CAMTA1: variants seen among roughly 807,000 people sequenced by gnomAD.
The protein encoded by CAMTA1 is calmodulin binding transcription activator 1, also known as calmodulin-binding transcription activator 1.
A neutral mutation model predicts 170.9 loss-of-function variants in CAMTA1; 27 were observed. That is an observed-to-expected ratio of 0.16 (90% CI 0.12 to 0.22). CAMTA1 has a LOEUF of 0.22. Ranked by LOEUF, CAMTA1 falls within the 10% of genes least tolerant of loss-of-function variation. CAMTA1 has a pLI of 1.00. For missense variants in CAMTA1, 1,619 were observed against 2,217.2 expected (o/e 0.73, Z 5.42); for synonymous variants, 833 against 891.5 (o/e 0.93, Z 1.17).
At chr1:7,428,580 C>T (rs1413047097) in intron 5 of CAMTA1, among the ~76,000 whole-genome samples, 2 of 152,108 alleles carry the variant, frequency 1.3e-5, no homozygotes, top group Non-Finnish European at 2.9e-5. Flanking sequence ...CCCAGCACTG[C>T]CTCCCAGCAG....
chr1:7,614,560 C>T (rs2095546503), intron 6 of CAMTA1, among the ~76,000 whole-genome samples: 1 of 152,222 alleles, frequency 6.6e-6, no homozygotes, highest in South Asian at 2.1e-4. Context: ...CGCTGACACG[C>T]TGAAGGCTCC....
intron 6 of CAMTA1, among the ~76,000 whole-genome samples, chr1:7,610,587 T>C (rs2095517296): frequency 6.6e-6 from 1 of 152,166 alleles, no homozygotes; most frequent in Non-Finnish European, 1.5e-5. Flanking sequence ...GCAGACTCCG[T>C]GGCCCCTCCT....
chr1:7,433,507 C>T (rs1030452702), intron 5 of CAMTA1, among the ~76,000 whole-genome samples: 2 of 152,164 alleles, frequency 1.3e-5, no homozygotes, highest in Admixed American at 1.3e-4. Context: ...GTACCCACTT[C>T]TCAGGGAGGG....
intron 10 of CAMTA1, among the ~76,000 whole-genome samples, chr1:7,676,004 C>G (rs1234579727): frequency 6.6e-6 from 1 of 152,230 alleles, no homozygotes. Flanking sequence ...GAGGCCATCC[C>G]CCCCGACCCC....
chr1:7,152,527 G>T (rs543441458), intron 4 of CAMTA1, among the ~76,000 whole-genome samples: 1 of 152,302 alleles, frequency 6.6e-6, no homozygotes, highest in East Asian at 1.9e-4. Context: ...CTCCTGTGTT[G>T]AGGCCATCTC....
At chr1:7,448,524 G>A (rs565181275) in intron 5 of CAMTA1, among the ~76,000 whole-genome samples, 7 of 152,354 alleles carry the variant, frequency 4.6e-5, no homozygotes, top group African/African-American at 1.7e-4. Flanking sequence ...GCCTGTCCCA[G>A]TCTGTCTGGG....
chr1:7,275,379 A>C (rs1381364999), intron 5 of CAMTA1, among the ~76,000 whole-genome samples: 5 of 151,976 alleles, frequency 3.3e-5, no homozygotes, highest in Non-Finnish European at 7.4e-5. Flanking sequence ...ACCAATTAAA[A>C]CCAAAATAAG....
chr1:7,401,875 C>G (rs1026206387), intron 5 of CAMTA1, among the ~76,000 whole-genome samples: 6 of 152,246 alleles, frequency 3.9e-5, no homozygotes, highest in Non-Finnish European at 7.4e-5. Context: ...GCTTCCCACT[C>G]CCCACCCTCT....
At chr1:7,693,665 G>A (rs2096343090) in intron 11 of CAMTA1, 1 of 152,202 alleles carries the variant, frequency 6.6e-6, no homozygotes, top group Non-Finnish European at 1.5e-5. Context: ...TACCAGACAT[G>A]GAGCTTCCAC....
At position 7,050,475 on chromosome 1, in the gene CAMTA1, C is replaced by T. The variant is rs1706152752; in HGVS notation, c.235-40829C>T. On this transcript the variant is annotated intron_variant, in intron 3 of 22. Coordinates refer to ENST00000303635, the MANE Select transcript of CAMTA1 (RefSeq NM_015215.4). The surrounding 1 kb of genome is among the most constrained non-coding windows in gnomAD (Gnocchi z 4.8). ...GGGTGTGGGTTCAGATGAAGACTCT[C>T]AAACAGGCCTTGGCTGCATCAAACA... Among the ~76,000 whole-genome samples, 1 of 152,176 alleles carries T rather than the reference C, an allele frequency of 6.6e-6. No homozygotes were observed. The highest frequency in any genetic ancestry group is 6.5e-5 in the Admixed American group (1 of 15,284).
chr1:7,186,653 G>A (rs145888920), intron 4 of CAMTA1, among the ~76,000 whole-genome samples: 3 of 152,278 alleles, frequency 2.0e-5, no homozygotes, highest in African/African-American at 7.2e-5. Context: ...GGGCTGGTTG[G>A]GGGGAGGGTA....
At chr1:7,460,371 A>C (rs2093054040) in intron 5 of CAMTA1, among the ~76,000 whole-genome samples, 1 of 152,170 alleles carries the variant, frequency 6.6e-6, no homozygotes, top group Non-Finnish European at 1.5e-5. Flanking sequence ...GCCCTTAGCA[A>C]CAGGGCTCTT....
intron 6 of CAMTA1, among the ~76,000 whole-genome samples, chr1:7,636,987 G>T (rs750531792): frequency 6.6e-6 from 1 of 152,384 alleles, no homozygotes; most frequent in East Asian, 1.9e-4. Flanking sequence ...ATCAGGGAAG[G>T]CTTCCTGGAA....
intron 5 of CAMTA1, among the ~76,000 whole-genome samples, chr1:7,362,445 CAATAGAGTTAGTGGACTTG>C (rs1419890249): frequency 9.3e-5 from 14 of 150,216 alleles, no homozygotes; most frequent in African/African-American, 3.2e-4. Context: ...TAGTAGACTT[CAATAGAGTTAGTGGACTTG>C]AATAGAGTTA....
chr1:7,680,234 G>T lies in CAMTA1; in HGVS notation c.2914+2501G>T. ...GGCGGTGGTGAGCCTTCCGTTCCCC[G>T]CCTGTCCCTCCCGGCCCCTCCCCTC... is the stretch of plus-strand genomic sequence containing the variant. On this transcript the variant is annotated intron_variant, in intron 11 of 22. Transcript: ENST00000303635. This position sits in a 1 kb window ranked among gnomAD's most constrained non-coding sequence, Gnocchi z 4.4. The T allele has an allele frequency of 3.8e-6, 1 of 262,364 alleles. No individual in the cohort carries two copies. 16.3% of individuals were successfully genotyped at this position (262,364 alleles called of 1,614,324 possible). A position where few individuals can be genotyped will look rare whatever the true frequency, so the allele number is the denominator to read the frequency against.
intron 4 of CAMTA1, among the ~76,000 whole-genome samples, chr1:7,155,167 G>A (rs1404399523): frequency 2.0e-5 from 3 of 152,172 alleles, no homozygotes; most frequent in Non-Finnish European, 4.4e-5. Context: ...CAGCAGGGGT[G>A]TGGGGGGCTG....
chr1:6,993,599 C>A (rs1029373784), intron 3 of CAMTA1, among the ~76,000 whole-genome samples: 1 of 152,134 alleles, frequency 6.6e-6, no homozygotes, highest in Non-Finnish European at 1.5e-5. Flanking sequence ...TGATTAATTG[C>A]CTCATTTTTC....
At chr1:7,758,427 C>T (rs2096947871) in intron 22 of CAMTA1, among the ~76,000 whole-genome samples, 1 of 152,158 alleles carries the variant, frequency 6.6e-6, no homozygotes. Flanking sequence ...GAGAAGGTTC[C>T]TTCTATCCTG....
chr1:6,811,445 C>T (rs1262942130), intron 1 of CAMTA1, among the ~76,000 whole-genome samples: 2 of 151,918 alleles, frequency 1.3e-5, no homozygotes, highest in African/African-American at 4.8e-5. Context: ...GATAAATGAC[C>T]CCAAACTGCT....
Sources: gnomAD v4.1 joint callset for allele counts (sites outside exome capture counted in the v4.1 genomes callset) on GRCh38, gnomAD v4.1.1 for gene constraint, Gnocchi (gnomAD v3.1) non-coding constraint, MANE v1.5 for transcripts, NCBI Gene and HGNC (gene_info 2026-07-23, HGNC 2026-07-21) for gene names.